Variants in DIAPH2 observed in about 807,000 individuals in gnomAD.
The protein encoded by DIAPH2 is protein diaphanous homolog 2.
Under a neutral mutation model 92.7 loss-of-function variants are expected in DIAPH2, and 35 were observed. The observed-to-expected ratio is 0.38, with a 90% CI of 0.29 to 0.50. The LOEUF is 0.50. Ranked by LOEUF, DIAPH2 falls within the 20% of genes least tolerant of loss-of-function variation. DIAPH2 has a pLI of 0.94. For synonymous variants in DIAPH2, 301 were observed against 280.4 expected (o/e 1.07, Z -0.73); for missense variants, 701 against 819.5 (o/e 0.86, Z 1.77).
intron 17 of DIAPH2, among the ~76,000 whole-genome samples, chrX:96,973,887 G>T (rs2065944287): frequency 1.8e-5 from 2 of 110,058 alleles, no homozygotes; most frequent in Non-Finnish European, 3.8e-5. Flanking sequence ...TAGAGACGGG[G>T]TTTCTCCATG....
intron 26 of DIAPH2, among the ~76,000 whole-genome samples, chrX:97,465,940 A>C (rs992347182): frequency 9.0e-6 from 1 of 111,478 alleles, no homozygotes; most frequent in African/African-American, 3.3e-5. Context: ...CACCCACCTC[A>C]GCCTCCCAAA....
chrX:96,815,830 A>G (rs1049078653), intron 4 of DIAPH2, among the ~76,000 whole-genome samples: 8 of 109,040 alleles, frequency 7.3e-5, no homozygotes, highest in Admixed American at 5.9e-4. Flanking sequence ...ACATCCGGCT[A>G]TTTTTTTTTG....
rs563828730 is a variant in DIAPH2, at chrX:97,541,052, T to A, written c.3242-58201T>A. Among the ~76,000 whole-genome samples, 4 of 111,521 alleles carry A rather than the reference T, an allele frequency of 3.6e-5. No individual in the cohort carries two copies. In the South Asian group the frequency reaches 1.1e-3, roughly 31 times the overall value. On this transcript the variant is annotated intron_variant, in intron 26 of 26. Coordinates refer to ENST00000324765, the MANE Select transcript of DIAPH2 (RefSeq NM_006729.5). Reference sequence around the variant, plus strand: ...GTGCTAGCAAGCATAAGCAGGGAGATAAGAAAAATAAACTATCTTATAAGT... The same window carrying A: ...GTGCTAGCAAGCATAAGCAGGGAGAAAAGAAAAATAAACTATCTTATAAGT...
intron 25 of DIAPH2, among the ~76,000 whole-genome samples, chrX:97,393,098 A>G (rs1332377540): frequency 9.0e-6 from 1 of 111,183 alleles, no homozygotes; most frequent in African/African-American, 3.3e-5. Flanking sequence ...GTAAGCCAGA[A>G]GCACAAGAAA....
intron 25 of DIAPH2, among the ~76,000 whole-genome samples, chrX:97,425,711 G>A (rs1473017872): frequency 9.3e-6 from 1 of 107,733 alleles, no homozygotes; most frequent in Non-Finnish European, 1.9e-5. Flanking sequence ...AACTTGGGAG[G>A]TGGAGGTTGC....
At position 97,602,976 on chromosome X, in the gene DIAPH2, A is replaced by AT. The variant is rs1258410694; in HGVS notation, c.*3664dup. 1 of 111,088 alleles carries AT rather than the reference A, an allele frequency of 9.0e-6. No homozygotes were observed. Among genetic ancestry groups the AT allele is most frequent in the East Asian group, 2.8e-4 (1 of 3,525 alleles). The allele number at this position is 111,088 out of a possible 1,213,427, so 9.2% of individuals were successfully genotyped here. ...CATTCAGAAAAGAGGGTCCTCACAG[A>AT]TTTTTCCTGAACAACCCCATCTCTA... On this transcript the variant is annotated 3_prime_UTR_variant, in exon 27 of 27. Transcript: ENST00000324765.
chrX:96,835,768 G>A (rs1050392810), intron 4 of DIAPH2, among the ~76,000 whole-genome samples: 2 of 111,498 alleles, frequency 1.8e-5, no homozygotes, highest in Non-Finnish European at 3.8e-5. Context: ...ACATGGGAGG[G>A]TGATGTCCAA....
At chrX:97,186,845 T>G (rs2067608685) in intron 22 of DIAPH2, among the ~76,000 whole-genome samples, 1 of 112,029 alleles carries the variant, frequency 8.9e-6, no homozygotes, top group African/African-American at 3.2e-5. Context: ...ACTCCTCATT[T>G]CCACTATTTT....
At chrX:96,812,826 T>C (rs233685) in intron 4 of DIAPH2, among the ~76,000 whole-genome samples, 55,304 of 110,400 alleles carry the variant, frequency 0.5, 11,402 homozygotes, top group African/African-American at 0.8. Flanking sequence ...TGTAGTTGTG[T>C]GGTTTTGAGT....
chrX:97,348,113 T>C lies in DIAPH2; in HGVS notation c.2845-3T>C. 1 of 1,210,731 alleles carries C rather than the reference T, an allele frequency of 8.3e-7. No individual in the cohort carries two copies. On this transcript the variant is annotated splice_region_variant and splice_polypyrimidine_tract_variant and intron_variant, in intron 23 of 26. Coordinates refer to ENST00000324765, the MANE Select transcript of DIAPH2 (RefSeq NM_006729.5). ...TGAGCCATGTTCCTTAACAAAAAGC[T>C]ACAGCTTTACAAAGACTGCCCGAGA...
intron 23 of DIAPH2, among the ~76,000 whole-genome samples, chrX:97,252,475 C>G (rs1243857964): frequency 3.6e-5 from 4 of 111,684 alleles, no homozygotes; most frequent in Non-Finnish European, 7.5e-5. Context: ...TAATTCAAAA[C>G]AGATTTGGGG....
chrX:97,009,322 A>G (rs1275283482), intron 17 of DIAPH2, among the ~76,000 whole-genome samples: 1 of 111,676 alleles, frequency 9.0e-6, no homozygotes, highest in East Asian at 2.8e-4. Context: ...CTTCAGGTGA[A>G]TGTGCTCCCC....
chrX:96,717,274 G>A lies in DIAPH2; in HGVS notation c.133-18484G>A, dbSNP rs749880881. On this transcript the variant is annotated intron_variant, in intron 1 of 26. Coordinates refer to ENST00000324765, the MANE Select transcript of DIAPH2 (RefSeq NM_006729.5). ...ATGTGCACTTGACAAAAAATATGTA[G>A]TCTTCTGTTGTTGGGTCGAGTCTTG... Among the ~76,000 whole-genome samples the A allele has an allele frequency of 1.1e-4, 12 of 111,285 alleles. No individual in the cohort carries two copies. The East Asian group carries it at 3.4e-3, about 31-fold the overall frequency.
intron 9 of DIAPH2, among the ~76,000 whole-genome samples, chrX:96,926,198 G>A (rs2065580391): frequency 9.0e-6 from 1 of 111,524 alleles, no homozygotes; most frequent in African/African-American, 3.3e-5. Flanking sequence ...TAGTTTTCAA[G>A]CCTGTAAGTT....
chrX:96,995,906 C>G (rs1257197161), intron 17 of DIAPH2, among the ~76,000 whole-genome samples: 2 of 109,428 alleles, frequency 1.8e-5, no homozygotes, highest in African/African-American at 3.3e-5. Flanking sequence ...AAATCCAAAC[C>G]TAATCAAAGC....
At chrX:97,567,720 G>C (rs776397665) in intron 26 of DIAPH2, among the ~76,000 whole-genome samples, 2 of 111,765 alleles carry the variant, frequency 1.8e-5, no homozygotes, top group Non-Finnish European at 3.8e-5. Flanking sequence ...GTGTGTTATA[G>C]AGAATAGTAT....
chrX:97,267,932 C>T (rs947251563), intron 23 of DIAPH2, among the ~76,000 whole-genome samples: 4 of 111,503 alleles, frequency 3.6e-5, no homozygotes, highest in Non-Finnish European at 7.5e-5. Context: ...GAAATGGTCT[C>T]CACCCCTTAA....
intron 26 of DIAPH2, among the ~76,000 whole-genome samples, chrX:97,564,846 T>C (rs1036977526): frequency 9.0e-6 from 1 of 111,693 alleles, no homozygotes; most frequent in African/African-American, 3.3e-5. Flanking sequence ...GCACTATAGA[T>C]ACATGGTTGC....
intron 7 of DIAPH2, among the ~76,000 whole-genome samples, chrX:96,915,924 CAGGGAGG>C (rs1193498108): frequency 1.8e-5 from 2 of 111,254 alleles, no homozygotes; most frequent in Non-Finnish European, 3.8e-5. Flanking sequence ...CTGTCTGAAT[CAGGGAGG>C]ATAAGAGAGA....
Sources: allele counts gnomAD v4.1 joint callset (sites outside exome capture counted in the v4.1 genomes callset), GRCh38; gene constraint gnomAD v4.1.1; transcripts MANE v1.5; gene names NCBI Gene and HGNC (gene_info 2026-07-23, HGNC 2026-07-21).